TECTA: variants seen among roughly 807,000 people sequenced by gnomAD.
TECTA encodes tectorin alpha.
In TECTA, 128 loss-of-function variants were observed where a neutral mutation model predicts 216.8. The observed-to-expected ratio is 0.59, with a 90% CI of 0.51 to 0.68. TECTA has a LOEUF of 0.68. Ranked by LOEUF, TECTA falls within the 30% of genes least tolerant of loss-of-function variation. The pLI is 0.00. For missense variants in TECTA, 2,551 were observed against 2,786.2 expected (o/e 0.92, Z 1.90); for synonymous variants, 1,089 against 1,117.1 (o/e 0.97, Z 0.50).
intron 10 of TECTA, among the ~76,000 whole-genome samples, chr11:121,132,897 G>T (rs633770): frequency 0.22 from 33,187 of 151,656 alleles, 3,667 homozygotes; most frequent in East Asian, 0.23. Flanking sequence ...AATTTTTTTT[G>T]TGTGTGTGTG....
rs1165826590 is a variant in TECTA at position 121,162,283 on chromosome 11, C to G, written c.5185C>G (p.Gln1729Glu). ...LDGCYSHKKF[Q>E]LCGSLAAYGE... ...CGGCTGCTACAGCCACAAGAAGTTC[C>G]AGCTGTGCGGCTCCCTGGCCGCCTA... Residue 1729 changes from glutamine (Q) to glutamate (E), a missense_variant, in exon 16 of 24, where the codon CAG becomes GAG. Physicochemically the swap from Gln to Glu is conservative, Grantham distance 29. Transcript: ENST00000392793. The G allele has an allele frequency of 1.9e-6, 3 of 1,613,740 alleles. No individual in the cohort carries two copies. The African/African-American group carries it at 4.0e-5, about 22-fold the overall frequency.
intron 6 of TECTA, among the ~76,000 whole-genome samples, chr11:121,114,596 C>G (rs1228090593): frequency 1.5e-5 from 2 of 136,546 alleles, no homozygotes. Context: ...CACCCACCCA[C>G]CCATCCACCC....
At chr11:121,153,108 T>C (rs371763935) in intron 13 of TECTA, 28 bp downstream of exon 13, 51 of 1,599,940 alleles carry the variant, frequency 3.2e-5, no homozygotes, top group Non-Finnish European at 1.9e-5. Context: ...GGCCTTTTCC[T>C]CCTTGCCAAT....
chr11:121,111,496 G>C (rs1256049877), intron 4 of TECTA, among the ~76,000 whole-genome samples: 1 of 152,210 alleles, frequency 6.6e-6, no homozygotes, highest in Non-Finnish European at 1.5e-5. Context: ...ATGTGTAAGA[G>C]TGAGCTGAGG....
chr11:121,169,477 C>T (rs1409993912), intron 20 of TECTA, among the ~76,000 whole-genome samples: 1 of 152,146 alleles, frequency 6.6e-6, no homozygotes, highest in Non-Finnish European at 1.5e-5. Context: ...GTAGACCAAC[C>T]ACAATAATTA....
At chr11:121,102,568 T>G in intron 1 of TECTA, 97 bp from the exon 2 acceptor site, 1 of 910,310 alleles carries the variant, frequency 1.1e-6, no homozygotes, top group Non-Finnish European at 1.8e-6. Context: ...TCTATGACGG[T>G]TTTGATGGTC....
At chr11:121,166,909 A>G in intron 18 of TECTA, 129 bp downstream of exon 18, 1 of 1,013,190 alleles carries the variant, frequency 9.9e-7, no homozygotes, top group Non-Finnish European at 1.5e-6. Flanking sequence ...AAACAGCAAT[A>G]GGCATGTGCA....
intron 20 of TECTA, 121 bp from the exon 21 acceptor site, chr11:121,187,710 TA>T: frequency 9.3e-7 from 1 of 1,073,576 alleles, no homozygotes; most frequent in Non-Finnish European, 1.4e-6. Context: ...CTTTCAAATG[TA>T]AAGGCATTTC....
chr11:121,121,076 G>T (rs1357066563), intron 7 of TECTA, among the ~76,000 whole-genome samples: 2 of 152,192 alleles, frequency 1.3e-5, no homozygotes, highest in Non-Finnish European at 2.9e-5. Flanking sequence ...ACTAGGAGGG[G>T]TCAGGCTCTG....
intron 15 of TECTA, among the ~76,000 whole-genome samples, chr11:121,161,002 G>A (rs371160073): frequency 6.6e-6 from 1 of 152,206 alleles, no homozygotes; most frequent in African/African-American, 2.4e-5. Context: ...CCTCAGGGCT[G>A]CTGAATATGT....
intron 12 of TECTA, among the ~76,000 whole-genome samples, chr11:121,147,145 C>G (rs1946846143): frequency 6.6e-6 from 1 of 152,204 alleles, no homozygotes; most frequent in Non-Finnish European, 1.5e-5. Context: ...CTGTCTCAAT[C>G]TCATTAACCA....
At chr11:121,117,765 G>A (rs971743688) in intron 6 of TECTA, among the ~76,000 whole-genome samples, 1 of 152,218 alleles carries the variant, frequency 6.6e-6, no homozygotes, top group Admixed American at 6.5e-5. Context: ...GTGCTTTCCA[G>A]AACCTTCCCA....
chr11:121,172,411 T>C (rs1947121635), intron 20 of TECTA, among the ~76,000 whole-genome samples: 2 of 151,950 alleles, frequency 1.3e-5, no homozygotes, highest in African/African-American at 4.8e-5. Flanking sequence ...ATTGTCCAGT[T>C]CCCACCTATG....
intron 23 of TECTA, among the ~76,000 whole-genome samples, chr11:121,190,289 G>A (rs1488687246): frequency 1.3e-5 from 2 of 152,038 alleles, no homozygotes; most frequent in Non-Finnish European, 2.9e-5. Flanking sequence ...TTTTGAGATG[G>A]AGTCTCGCTC....
At chr11:121,180,542 A>G (rs990739091) in intron 20 of TECTA, among the ~76,000 whole-genome samples, 6 of 152,122 alleles carry the variant, frequency 3.9e-5, no homozygotes, top group African/African-American at 1.4e-4. Flanking sequence ...CACTGTTTTT[A>G]GAATTCTGTC....
Position 121,158,105 on chromosome 11 carries a change from T to C in TECTA, c.4570T>C (p.Ser1524Pro). ...STICQKLPDI[S>P]FQLIINFDKW... is the part of the protein sequence containing the mutation. ...CATCTGCCAGAAACTGCCCGACATC[T>C]CCTTCCAGCTTATCATCAACTTCGA... Residue 1524 changes from serine (S) to proline (P), a missense_variant, in exon 14 of 24, where the codon TCC (serine) becomes CCC (proline). Physicochemically the swap from Ser to Pro is moderately conservative, Grantham distance 74. Coordinates refer to ENST00000392793, the MANE Select transcript of TECTA (RefSeq NM_005422.4). The C allele has an allele frequency of 6.2e-7, 1 of 1,614,166 alleles. No homozygotes were observed. The highest frequency in any genetic ancestry group is 8.5e-7 in the Non-Finnish European group (1 of 1,180,034).
intron 19 of TECTA, chr11:121,168,445 T>C (rs1947077771): frequency 1.2e-6 from 1 of 835,956 alleles, no homozygotes; most frequent in African/African-American, 1.7e-5. Context: ...TGCTCAGCAC[T>C]TGAAATGTGG....
chr11:121,175,520 C>T (rs559610016), intron 20 of TECTA, among the ~76,000 whole-genome samples: 1 of 152,252 alleles, frequency 6.6e-6, no homozygotes, highest in South Asian at 2.1e-4. Context: ...GTTTCTTAAT[C>T]CTGAGTTCTA....
At chr11:121,104,320 C>G (rs1946372288) in intron 2 of TECTA, among the ~76,000 whole-genome samples, 1 of 152,114 alleles carries the variant, frequency 6.6e-6, no homozygotes, top group Non-Finnish European at 1.5e-5. Flanking sequence ...TAGAAGACCC[C>G]TTTTCACCTG....
Sources: gnomAD v4.1 joint callset for allele counts (sites outside exome capture counted in the v4.1 genomes callset) on GRCh38, gnomAD v4.1.1 for gene constraint, MANE v1.5 for transcripts, NCBI Gene and HGNC (gene_info 2026-07-23, HGNC 2026-07-21) for gene names.